The following TAFA1 variants were observed in gnomAD, a reference collection of about 807,000 sequenced individuals.
TAFA1 encodes the protein TAFA chemokine like family member 1.
Under a neutral mutation model 18.5 loss-of-function variants are expected in TAFA1, and 4 were observed. That is an observed-to-expected ratio of 0.22 (90% confidence interval 0.11 to 0.49). The LOEUF is 0.49. TAFA1 is among the 20% of genes least tolerant of loss of function. TAFA1 has a pLI of 0.98. For synonymous variants in TAFA1, 56 were observed against 55.2 expected, an observed-to-expected ratio of 1.01 and a Z score of -0.06; for missense variants, 147 against 169.0, an observed-to-expected ratio of 0.87 and a Z score of 0.72.
At chr3:68,218,119 A>G (rs1216811009) in intron 2 of TAFA1, among the ~76,000 whole-genome samples, 1 of 152,006 alleles carries the variant, frequency 6.6e-6, no homozygotes, top group Non-Finnish European at 1.5e-5. Context: ...TGATGTTTCA[A>G]TTTTCCAGGA....
intron 2 of TAFA1, among the ~76,000 whole-genome samples, chr3:68,123,611 A>G (rs539715826): frequency 6.6e-6 from 1 of 152,182 alleles, no homozygotes; most frequent in African/African-American, 2.4e-5. Context: ...GGTTGAATCT[A>G]TTTCATTCAG....
At chr3:68,134,970 G>C (rs1403833834) in intron 2 of TAFA1, among the ~76,000 whole-genome samples, 1 of 152,156 alleles carries the variant, frequency 6.6e-6, no homozygotes, top group East Asian at 1.9e-4. Flanking sequence ...TTCAAGCACT[G>C]TCTTTAGGCA....
chr3:68,359,179 A>G (rs1021702401), intron 2 of TAFA1, among the ~76,000 whole-genome samples: 2 of 152,030 alleles, frequency 1.3e-5, no homozygotes, highest in African/African-American at 4.8e-5. Flanking sequence ...AAATACATGA[A>G]GTTCTTCCAG....
chr3:68,305,226 T>G (rs1586819), intron 2 of TAFA1, among the ~76,000 whole-genome samples: 158 of 144,120 alleles, frequency 1.1e-3, no homozygotes, highest in African/African-American at 3.7e-3. Context: ...TTTTCCCATA[T>G]GTTTTTTTTC....
rs544747400 is a variant in TAFA1 at position 68,115,404 on chromosome 3, G to A, written c.118+108660G>A. On this transcript the variant is annotated intron_variant, in intron 2 of 4. Transcript: ENST00000478136. ...ATGTCATCTGTGAAGCAAAAAAATG[G>A]GTTGGCCAGATAAGCGTTAAATCTT... Among the ~76,000 whole-genome samples, 19 of 152,266 alleles carry A rather than the reference G, an allele frequency of 1.2e-4. No homozygotes were observed. In the East Asian group the frequency reaches 2.9e-3, roughly 23 times the overall value.
chr3:68,499,906 T>C (rs146146828), intron 3 of TAFA1, among the ~76,000 whole-genome samples: 1 of 151,360 alleles, frequency 6.6e-6, no homozygotes, highest in East Asian at 2.0e-4. Flanking sequence ...TGTAGTCTTA[T>C]ATTCAAGTAA....
At chr3:68,084,352 G>C (rs914386573) in intron 2 of TAFA1, among the ~76,000 whole-genome samples, 1 of 152,168 alleles carries the variant, frequency 6.6e-6, no homozygotes, top group Non-Finnish European at 1.5e-5. Flanking sequence ...TGTCTTTGTT[G>C]TATCAGTAGC....
At chr3:68,368,585 T>A (rs2106809329) in intron 2 of TAFA1, among the ~76,000 whole-genome samples, 2 of 152,316 alleles carry the variant, frequency 1.3e-5, no homozygotes, top group South Asian at 4.1e-4. Flanking sequence ...AGATTTTTTT[T>A]TTTTTTACCG....
At chr3:68,322,011 A>G (rs1360432838) in intron 2 of TAFA1, among the ~76,000 whole-genome samples, 1 of 152,210 alleles carries the variant, frequency 6.6e-6, no homozygotes, top group Non-Finnish European at 1.5e-5. Flanking sequence ...AGCTGCATGT[A>G]CACTAAAATT....
At chr3:68,421,097 G>C (rs1490931686) in intron 3 of TAFA1, among the ~76,000 whole-genome samples, 1 of 152,094 alleles carries the variant, frequency 6.6e-6, no homozygotes, top group Admixed American at 6.5e-5. Context: ...AAAACACAAA[G>C]TGCAATGCAT....
chr3:68,131,095 A>C (rs1004349050), intron 2 of TAFA1, among the ~76,000 whole-genome samples: 1 of 152,230 alleles, frequency 6.6e-6, no homozygotes, highest in African/African-American at 2.4e-5. Context: ...GGAAATAAGC[A>C]CATAAGGAAT....
At chr3:68,221,442 G>C (rs974092400) in intron 2 of TAFA1, among the ~76,000 whole-genome samples, 1 of 152,078 alleles carries the variant, frequency 6.6e-6, no homozygotes, top group Non-Finnish European at 1.5e-5. Flanking sequence ...CAACAACTTA[G>C]ATAATATTTT....
intron 2 of TAFA1, among the ~76,000 whole-genome samples, chr3:68,348,395 A>G (rs114407590): frequency 3.3e-3 from 498 of 152,250 alleles, no homozygotes; most frequent in Non-Finnish European, 6.2e-3. Flanking sequence ...GTCACATACA[A>G]TGTCTAACCT....
At chr3:68,328,725 T>A (rs1344969248) in intron 2 of TAFA1, among the ~76,000 whole-genome samples, 1 of 152,162 alleles carries the variant, frequency 6.6e-6, no homozygotes. Flanking sequence ...ACTCTTTATT[T>A]TTTTATTCAT....
Position 68,452,522 on chromosome 3 carries a change from CAA to C in TAFA1, c.259+35120_259+35121del, listed in dbSNP as rs10663334. Among the ~76,000 whole-genome samples, 323 of 113,342 alleles carry C rather than the reference CAA, an allele frequency of 2.8e-3. 1 individual carries two copies. Among genetic ancestry groups the C allele is most frequent in the African/African-American group, 0.01 (307 of 29,448 alleles). 74.4% of individuals were successfully genotyped at this position (113,342 alleles called of 152,430 possible). On this transcript the variant is annotated intron_variant, in intron 3 of 4. Coordinates refer to ENST00000478136, the MANE Select transcript of TAFA1 (RefSeq NM_213609.4). ...TAGGCGACAAAGCAAAACTCTCTCT[CAA>C]AAAAAAAAAAAAAAAAACTAGCAAA...
chr3:68,269,642 C>T (rs897231560), intron 2 of TAFA1, among the ~76,000 whole-genome samples: 1 of 151,498 alleles, frequency 6.6e-6, no homozygotes, highest in Admixed American at 6.6e-5. Context: ...TAACTTTTGG[C>T]CAGGAGTGAT....
intron 3 of TAFA1, among the ~76,000 whole-genome samples, chr3:68,508,972 T>C (rs1422590882): frequency 6.6e-6 from 1 of 151,968 alleles, no homozygotes; most frequent in Non-Finnish European, 1.5e-5. Flanking sequence ...TGGGTGTGTT[T>C]GAGAAACAGC....
chr3:68,191,704 G>A (rs371455864), intron 2 of TAFA1, among the ~76,000 whole-genome samples: 7 of 151,758 alleles, frequency 4.6e-5, no homozygotes, highest in African/African-American at 1.5e-4. Flanking sequence ...TTAAAAAAGG[G>A]CCACTGCTCA....
chr3:68,248,583 T>G (rs951391743), intron 2 of TAFA1, among the ~76,000 whole-genome samples: 1 of 151,914 alleles, frequency 6.6e-6, no homozygotes, highest in Non-Finnish European at 1.5e-5. Context: ...AACAATAACT[T>G]AAGCATACCC....
Sources: allele counts gnomAD v4.1 joint callset (sites outside exome capture counted in the v4.1 genomes callset), GRCh38; gene constraint gnomAD v4.1.1; transcripts MANE v1.5; gene names NCBI Gene and HGNC (gene_info 2026-07-23, HGNC 2026-07-21).